The following KCND3 variants were observed in gnomAD, a reference collection of about 807,000 sequenced individuals.
KCND3 encodes the protein potassium voltage-gated channel subfamily D member 3.
Under a neutral mutation model 51.1 loss-of-function variants are expected in KCND3, and 9 were observed. The ratio of observed to expected loss-of-function variants is 0.18; its 90% CI spans 0.11 to 0.31. The LOEUF (loss-of-function observed/expected upper bound fraction) is 0.31, where lower values mean the gene tolerates loss of function less well. KCND3 is among the 10% of genes least tolerant of loss of function. The probability of loss-of-function intolerance (pLI) is 1.00; values close to 1 mark genes in which losing one functional copy is unlikely to be tolerated. For missense variants in KCND3, 526 were observed against 903.8 expected, an observed-to-expected ratio of 0.58 and a Z score of 5.36; for synonymous variants, 349 against 368.0, an observed-to-expected ratio of 0.95 and a Z score of 0.59.
chr1:111,905,119 C>T (rs1262744808), intron 2 of KCND3, among the ~76,000 whole-genome samples: 2 of 152,224 alleles, frequency 1.3e-5, no homozygotes, highest in Non-Finnish European at 2.9e-5. Context: ...GCCCAAATGA[C>T]TGATTTAGAA....
intron 3 of KCND3, among the ~76,000 whole-genome samples, chr1:111,785,148 C>A (rs1180793523): frequency 6.6e-6 from 1 of 152,186 alleles, no homozygotes; most frequent in South Asian, 2.1e-4. Flanking sequence ...GGTGTGTGCA[C>A]AGCCGTGGGC....
At chr1:111,912,664 T>C (rs558964053) in intron 2 of KCND3, among the ~76,000 whole-genome samples, 1 of 152,308 alleles carries the variant, frequency 6.6e-6, no homozygotes, top group Admixed American at 6.5e-5. Flanking sequence ...AAAACAGTAA[T>C]ATTGGTAATC....
In KCND3 at chr1:111,850,999, CTG is replaced by C. The variant is rs35441685; in HGVS notation, c.1107-63895_1107-63894del. ...TCCATGTTATTGTTGAGCTCCTGTA[CTG>C]TGCAGCTGTTTAGGTCCCTATAATG... On this transcript the variant is annotated intron_variant, in intron 2 of 7. Coordinates refer to ENST00000302127, the MANE Select transcript of KCND3 (RefSeq NM_001378969.1). Among the ~76,000 whole-genome samples the C allele has an allele frequency of 4.1e-3, 624 of 152,306 alleles. 5 individuals are homozygous for C. Among genetic ancestry groups the C allele is most frequent in the Middle Eastern group, 0.014 (4 of 294 alleles).
At chr1:111,888,630 C>T (rs578012003) in intron 2 of KCND3, among the ~76,000 whole-genome samples, 6 of 142,316 alleles carry the variant, frequency 4.2e-5, no homozygotes, top group Admixed American at 7.3e-5. Context: ...TGCAGTGAGC[C>T]AAGATCACAC....
chr1:111,916,811 T>C (rs529323416), intron 2 of KCND3, among the ~76,000 whole-genome samples: 5 of 152,256 alleles, frequency 3.3e-5, no homozygotes, highest in Admixed American at 1.3e-4. Flanking sequence ...GAGAAATTAT[T>C]TGAAAGACAC....
At chr1:111,969,352 A>T (rs1429871306) in intron 2 of KCND3, among the ~76,000 whole-genome samples, 13 of 152,124 alleles carry the variant, frequency 8.5e-5, no homozygotes, top group African/African-American at 2.9e-4. Context: ...TTCCTCTCCT[A>T]TGCTCAAGTC....
At chr1:111,803,712 T>C (rs559129010) in intron 2 of KCND3, among the ~76,000 whole-genome samples, 5 of 152,240 alleles carry the variant, frequency 3.3e-5, no homozygotes, top group South Asian at 4.1e-4. Context: ...AAGTGAGAAA[T>C]AGGATGTGCA....
At chr1:111,787,362 T>TTC (rs1180407674) in intron 2 of KCND3, among the ~76,000 whole-genome samples, 4 of 152,346 alleles carry the variant, frequency 2.6e-5, no homozygotes, top group African/African-American at 9.6e-5. Flanking sequence ...TCTTTGTTGG[T>TTC]TCTACAAAGA....
At chr1:111,867,131 A>G (rs2101705026) in intron 2 of KCND3, among the ~76,000 whole-genome samples, 1 of 152,312 alleles carries the variant, frequency 6.6e-6, no homozygotes, top group East Asian at 1.9e-4. Flanking sequence ...AGTTGATACC[A>G]GTAAAATGTG....
Position 111,982,752 on chromosome 1 carries a change from GC to G in KCND3, c.-27del, listed in dbSNP as rs371333782. ...GGTGACTCCAGCTCTTGGGCCGGCAGCCGCGCGGACGCTAGGCACACCAGCT... is the reference window on the plus strand; with the variant it reads ...GGTGACTCCAGCTCTTGGGCCGGCAGCGCGCGGACGCTAGGCACACCAGCT... On this transcript the variant is annotated 5_prime_UTR_variant, in exon 2 of 8. Transcript: ENST00000302127. This position sits in a 1 kb window ranked among gnomAD's most constrained non-coding sequence, Gnocchi z 8.5. 518 of 1,592,338 alleles carry G rather than the reference GC, an allele frequency of 3.3e-4. No homozygotes were observed. The African/African-American group carries it at 4.9e-3, about 15-fold the overall frequency.
intron 2 of KCND3, among the ~76,000 whole-genome samples, chr1:111,944,500 C>T (rs1480259144): frequency 6.6e-6 from 1 of 152,214 alleles, no homozygotes; most frequent in Admixed American, 6.5e-5. Flanking sequence ...CCCAGTAGAC[C>T]TTTGCGAGGT....
intron 2 of KCND3, among the ~76,000 whole-genome samples, chr1:111,961,883 C>A (rs1009146277): frequency 5.3e-5 from 8 of 152,188 alleles, no homozygotes; most frequent in Non-Finnish European, 1.2e-4. Flanking sequence ...GTGAGTGATG[C>A]CCACAGAGCC....
chr1:111,823,917 C>T (rs1052294517), intron 2 of KCND3, among the ~76,000 whole-genome samples: 21 of 152,154 alleles, frequency 1.4e-4, no homozygotes, highest in African/African-American at 5.1e-4. Flanking sequence ...GAAAAGCTCA[C>T]ATTTGAAGAC....
chr1:111,908,759 TCTC>T (rs1175532103), intron 2 of KCND3, among the ~76,000 whole-genome samples: 1 of 152,130 alleles, frequency 6.6e-6, no homozygotes, highest in Non-Finnish European at 1.5e-5. Flanking sequence ...TCAGAACTCT[TCTC>T]CTATCATAGA....
chr1:111,976,573 T>C (rs1674640014), intron 2 of KCND3, among the ~76,000 whole-genome samples: 1 of 152,236 alleles, frequency 6.6e-6, no homozygotes, highest in African/African-American at 2.4e-5. Flanking sequence ...GAATCATGCA[T>C]GATCTCTGGA....
chr1:111,805,686 G>C (rs1460556064), intron 2 of KCND3, among the ~76,000 whole-genome samples: 3 of 152,260 alleles, frequency 2.0e-5, no homozygotes, highest in Non-Finnish European at 4.4e-5. Context: ...GAGGAGCGGG[G>C]GGACATGGAG....
intron 2 of KCND3, among the ~76,000 whole-genome samples, chr1:111,817,220 G>A (rs1331510695): frequency 3.3e-5 from 5 of 149,824 alleles, no homozygotes; most frequent in Admixed American, 3.3e-4. Flanking sequence ...TAGCAAGAAA[G>A]TGCTGTCATT....
At chr1:111,953,727 A>G (rs1157067359) in intron 2 of KCND3, among the ~76,000 whole-genome samples, 1 of 152,244 alleles carries the variant, frequency 6.6e-6, no homozygotes, top group Non-Finnish European at 1.5e-5. Context: ...AGCCAGCTTT[A>G]CATATATTCC....
intron 2 of KCND3, among the ~76,000 whole-genome samples, chr1:111,960,295 G>A (rs1406722657): frequency 6.6e-6 from 1 of 152,158 alleles, no homozygotes; most frequent in East Asian, 1.9e-4. Flanking sequence ...TTCAGGGCCT[G>A]ACCAGCTATC....
Sources: allele counts gnomAD v4.1 joint callset (sites outside exome capture counted in the v4.1 genomes callset), GRCh38; gene constraint gnomAD v4.1.1; non-coding constraint Gnocchi (gnomAD v3.1); transcripts MANE v1.5; gene names NCBI Gene and HGNC (gene_info 2026-07-23, HGNC 2026-07-21).